Variants in ZSCAN5A observed in about 807,000 individuals in gnomAD.
ZSCAN5A encodes zinc finger and SCAN domain-containing protein 5A.
In ZSCAN5A, 12 loss-of-function variants were observed where a neutral mutation model predicts 23.7. That is an observed-to-expected ratio of 0.51 (90% CI 0.32 to 0.82). The LOEUF (loss-of-function observed/expected upper bound fraction) is 0.82, where lower values mean the gene tolerates loss of function less well. Among genes scored for constraint, ZSCAN5A ranks in the 40% least tolerant of loss-of-function variants. The pLI, the probability that ZSCAN5A is intolerant of heterozygous loss-of-function variation, is 0.03. For missense variants in ZSCAN5A, 597 were observed against 617.9 expected (o/e 0.97, Z 0.36); for synonymous variants, 257 against 239.9 (o/e 1.07, Z -0.66).
At chr19:56,293,590 T>C (rs1460017879) in intron 2 of ZSCAN5A, among the ~76,000 whole-genome samples, 3 of 152,228 alleles carry the variant, frequency 2.0e-5, no homozygotes, top group Admixed American at 1.3e-4. Context: ...CCTCGCCTCC[T>C]GAAGGGCTCA....
chr19:56,344,496 G>T (rs1390049322), intron 2 of ZSCAN5A, among the ~76,000 whole-genome samples: 1 of 152,228 alleles, frequency 6.6e-6, no homozygotes, highest in Non-Finnish European at 1.5e-5. Context: ...CAAAGGGCCA[G>T]GCATGGTGGC....
intron 2 of ZSCAN5A, among the ~76,000 whole-genome samples, chr19:56,325,671 G>A (rs1038605377): frequency 6.6e-6 from 1 of 151,952 alleles, no homozygotes; most frequent in Non-Finnish European, 1.5e-5. Flanking sequence ...AAAAAATAGC[G>A]TTTGAAGGGG....
At chr19:56,317,460 C>T (rs1256799010), upstream of ZSCAN5A, 1 of 152,272 alleles carries the variant, frequency 6.6e-6, no homozygotes, top group African/African-American at 2.4e-5. Context: ...TGACGGAGCC[C>T]TCATTACACT....
intron 2 of ZSCAN5A, among the ~76,000 whole-genome samples, chr19:56,278,927 G>A (rs1044684111): frequency 6.6e-6 from 1 of 152,142 alleles, no homozygotes; most frequent in Non-Finnish European, 1.5e-5. Flanking sequence ...CATCCAACTG[G>A]ATGGTGCTCA....
intron 1 of ZSCAN5A, among the ~76,000 whole-genome samples, chr19:56,365,401 T>G (rs957538677): frequency 1.3e-5 from 2 of 152,214 alleles, no homozygotes; most frequent in African/African-American, 4.8e-5. Flanking sequence ...TCTGTTTTTA[T>G]TTCCTCAACA....
chr19:56,229,242 C>T (rs946624662), intron 2 of ZSCAN5A, among the ~76,000 whole-genome samples: 1 of 152,108 alleles, frequency 6.6e-6, no homozygotes, highest in Admixed American at 6.6e-5. Context: ...ACCTTTAGGA[C>T]AAATTGGAGG....
At chr19:56,268,283 A>C (rs1292991888) in intron 2 of ZSCAN5A, among the ~76,000 whole-genome samples, 1 of 152,200 alleles carries the variant, frequency 6.6e-6, no homozygotes, top group African/African-American at 2.4e-5. Context: ...GCTGCAGCCG[A>C]GACCCCTTGT....
chr19:56,342,668 G>C, intron 2 of ZSCAN5A: 1 of 559,540 alleles, frequency 1.8e-6, no homozygotes, highest in Non-Finnish European at 3.4e-6. Context: ...CTGCCAGTAG[G>C]AGTCCCCACG....
At chr19:56,302,602 T>TC (rs1458822932) in intron 2 of ZSCAN5A, among the ~76,000 whole-genome samples, 7 of 96,898 alleles carry the variant, frequency 7.2e-5, no homozygotes, top group African/African-American at 2.7e-4. Context: ...CTCTCCCTCT[T>TC]CTTCCTCTCC....
At chr19:56,327,021 A>G (rs562445811) in intron 2 of ZSCAN5A, among the ~76,000 whole-genome samples, 9 of 152,068 alleles carry the variant, frequency 5.9e-5, no homozygotes, top group Non-Finnish European at 1.0e-4. Context: ...ACCTCAAAAT[A>G]GTCATGTGAC....
chr19:56,233,719 A>AT lies in ZSCAN5A; in HGVS notation c.-127-8547dup, dbSNP rs34015934. 3.4e-3 allele frequency among the ~76,000 whole-genome samples: 499 copies of AT among 146,566 alleles called. 3 individuals are homozygous for AT. Among genetic ancestry groups the AT allele is most frequent in the African/African-American group, 9.2e-3 (369 of 40,052 alleles). On this transcript the variant is annotated intron_variant, in intron 2 of 5. Transcript: ENST00000683990. ...TTGATACACTAAGTAAACAAAACAG[A>AT]TTTTTTTTTTTTGCCATAAATATCA...
At chr19:56,247,505 C>T (rs77039036) in intron 2 of ZSCAN5A, 3,997 of 162,466 alleles carry the variant, frequency 0.025, 179 homozygotes, top group African/African-American at 0.091. Flanking sequence ...TGATTTTTCA[C>T]TGACGCTATT....
At chr19:56,232,135 C>T (rs957281095) in intron 2 of ZSCAN5A, among the ~76,000 whole-genome samples, 1 of 151,746 alleles carries the variant, frequency 6.6e-6, no homozygotes, top group Non-Finnish European at 1.5e-5. Flanking sequence ...ACCACTATGT[C>T]CGGCTAATTT....
At chr19:56,223,944 T>C in intron 3 of ZSCAN5A, 110 bp from the exon 4 acceptor site, 1 of 1,044,296 alleles carries the variant, frequency 9.6e-7, no homozygotes, top group South Asian at 1.6e-5. Flanking sequence ...AATGTTCAAA[T>C]CTGCCTTCCC....
intron 2 of ZSCAN5A, chr19:56,282,617 T>C: frequency 1.9e-6 from 1 of 515,582 alleles, no homozygotes; most frequent in Non-Finnish European, 2.5e-6. Context: ...GCTTAGCTTC[T>C]AATAGCGGAA....
chr19:56,366,819 C>G (rs1307722843), intron 1 of ZSCAN5A, among the ~76,000 whole-genome samples: 2 of 152,084 alleles, frequency 1.3e-5, no homozygotes, highest in African/African-American at 4.8e-5. Flanking sequence ...TTTTTGCAGA[C>G]CATAGAACAC....
At chr19:56,347,060 G>C (rs1305601925) in intron 2 of ZSCAN5A, 1 of 152,254 alleles carries the variant, frequency 6.6e-6, no homozygotes, top group African/African-American at 2.4e-5. Context: ...GCAAGTTACA[G>C]AGAAACGCCA....
At chr19:56,354,036 T>C (rs537405185) in intron 2 of ZSCAN5A, among the ~76,000 whole-genome samples, 1 of 152,228 alleles carries the variant, frequency 6.6e-6, no homozygotes, top group Admixed American at 6.5e-5. Context: ...AAGTCAGGCA[T>C]GAAAGGATAA....
At chr19:56,250,153 A>G (rs117786342) in intron 2 of ZSCAN5A, among the ~76,000 whole-genome samples, 1,767 of 152,320 alleles carry the variant, frequency 0.012, 18 homozygotes, top group East Asian at 0.028. Context: ...GGACACCCTG[A>G]GAGAGTGGAT....
Sources: gnomAD v4.1 joint callset for allele counts (sites outside exome capture counted in the v4.1 genomes callset) on GRCh38, gnomAD v4.1.1 for gene constraint, MANE v1.5 for transcripts, NCBI Gene and HGNC (gene_info 2026-07-23, HGNC 2026-07-21) for gene names.